The following C17orf99 variants were observed in gnomAD, a reference collection of about 807,000 sequenced individuals.
C17orf99 encodes protein IL-40.
A neutral mutation model predicts 22.6 loss-of-function variants in C17orf99; 18 were observed. That is an observed-to-expected ratio of 0.80 (90% CI 0.55 to 1.18). The LOEUF (loss-of-function observed/expected upper bound fraction) is 1.18. C17orf99 is among the 50% of genes most tolerant of loss of function. C17orf99 has a pLI of 0.00. For synonymous variants in C17orf99, 147 were observed against 136.6 expected (o/e 1.08, Z -0.53); for missense variants, 328 against 342.7 (o/e 0.96, Z 0.34).
intron 2 of C17orf99, chr17:78,157,564 C>T (rs571315584): frequency 2.5e-4 from 180 of 714,834 alleles, no homozygotes; most frequent in African/African-American, 1.9e-3. Context: ...TTTGGAAGAC[C>T]GAGGCAGGCG....
chr17:78,161,105 T>C lies in C17orf99; in HGVS notation c.221T>C (p.Val74Ala), dbSNP rs1567821777. 4.5e-6 allele frequency: 7 copies of C among 1,551,622 alleles called. No homozygotes were observed. Among genetic ancestry groups the C allele is most frequent in the East Asian group, 4.9e-5 (2 of 40,916 alleles). The change falls in exon 3 of 5, where the codon GTG (valine) becomes GCG (alanine). Residue 74 changes from valine (V) to alanine (A), a missense_variant. Val to Ala is a moderately conservative substitution (Grantham distance 64, BLOSUM62 0). Transcript: ENST00000340363. ...GTKNIKVAKK[V>A]VKTHEPASFN... ...AAGAACATCAAGGTGGCCAAGAAGGTGGTGAAGACCCACGAGCCGGCCTCC... is the reference window on the plus strand; with the variant it reads ...AAGAACATCAAGGTGGCCAAGAAGGCGGTGAAGACCCACGAGCCGGCCTCC...
chr17:78,163,255 T>G (rs1313532813), intron 3 of C17orf99, among the ~76,000 whole-genome samples: 1 of 151,872 alleles, frequency 6.6e-6, no homozygotes, highest in Non-Finnish European at 1.5e-5. Context: ...GTCTCTAAAA[T>G]AATAATAGGT....
chr17:78,166,090 C>T lies in C17orf99; in HGVS notation c.*44C>T, dbSNP rs2075615559. 2 of 637,970 alleles carry T rather than the reference C, an allele frequency of 3.1e-6. No homozygotes were observed. The highest frequency in any genetic ancestry group is 4.6e-6 in the Non-Finnish European group (2 of 434,406). The allele number at this position is 637,970 out of a possible 1,614,324, so 39.5% of individuals were successfully genotyped here. Reference sequence around the variant, plus strand: ...CCAAGCACGGCAGAGGACTGCAGGCCATCAGCGTGCACTGTTCGTATTTGG... The same window carrying T: ...CCAAGCACGGCAGAGGACTGCAGGCTATCAGCGTGCACTGTTCGTATTTGG... On this transcript the variant is annotated 3_prime_UTR_variant, in exon 5 of 5. Coordinates refer to ENST00000340363, the MANE Select transcript of C17orf99 (RefSeq NM_001163075.2).
At position 78,165,965 on chromosome 17, in the gene C17orf99, C is replaced by T; in HGVS notation, c.717C>T (p.Thr239=). The T allele has an allele frequency of 1.3e-6, 2 of 1,503,166 alleles. No individual in the cohort carries two copies. Among genetic ancestry groups the T allele is most frequent in the Non-Finnish European group, 1.8e-6 (2 of 1,116,828 alleles). The allele number at this position is 1,503,166 out of a possible 1,614,324, so 93.1% of individuals were successfully genotyped here. A position where few individuals can be genotyped will look rare whatever the true frequency, so the allele number is the denominator to read the frequency against. ...PILALPLYRS[T]RRLSEEEFGG... The stretch of plus-strand genomic sequence containing the variant: ...TTGCCTTGCCGCTCTACAGGAGCAC[C>T]CGCCGTCTGAGTGAAGAGGAGTTTG... Residue 239 remains threonine (T), a synonymous_variant, in exon 5 of 5, where the codon ACC becomes ACT. Coordinates refer to ENST00000340363, the MANE Select transcript of C17orf99 (RefSeq NM_001163075.2).
At chr17:78,158,383 C>A (rs1333585360) in intron 2 of C17orf99, among the ~76,000 whole-genome samples, 9 of 152,178 alleles carry the variant, frequency 5.9e-5, no homozygotes, top group Admixed American at 5.9e-4. Context: ...CAAGCTCCAC[C>A]TCCCGGGCTC....
At chr17:78,158,174 G>C in intron 2 of C17orf99, 1 of 747,800 alleles carries the variant, frequency 1.3e-6, no homozygotes, top group Non-Finnish European at 2.3e-6. Context: ...CATGACCGAG[G>C]AGGCAGCTGC....
In C17orf99 at chr17:78,154,409, G is replaced by A. The variant is rs180835112; in HGVS notation, c.71-6546G>A. Reference sequence around the variant, plus strand: ...ACCAAAAATACAAAATTAGACAGGCGTGGTGGCATGTGTCTGTAATCCCAG... The same window carrying A: ...ACCAAAAATACAAAATTAGACAGGCATGGTGGCATGTGTCTGTAATCCCAG... On this transcript the variant is annotated intron_variant, in intron 2 of 4. Transcript: ENST00000340363. Among the ~76,000 whole-genome samples the A allele has an allele frequency of 1.4e-3, 211 of 152,014 alleles. 1 individual carries two copies. The highest frequency in any genetic ancestry group is 0.014 in the Admixed American group (206 of 15,258).
intron 4 of C17orf99, chr17:78,164,726 G>A (rs763160558): frequency 1.1e-5 from 15 of 1,331,872 alleles, no homozygotes; most frequent in African/African-American, 8.9e-5. Context: ...AGGTCCAACC[G>A]GGCCCTGGCT....
Position 78,164,329 on chromosome 17 carries a change from A to G in C17orf99, c.605A>G (p.Asn202Ser), listed in dbSNP as rs775816666. Residue 202 changes from asparagine (N) to serine (S), a missense_variant, in exon 4 of 5, where the codon AAT becomes AGT. Asn to Ser is a conservative substitution (Grantham distance 46). Coordinates refer to ENST00000340363, the MANE Select transcript of C17orf99 (RefSeq NM_001163075.2). ...WFWCQAANNANVQHSALTVVP... is the reference protein window; with the variant it reads ...WFWCQAANNASVQHSALTVVP... Reference sequence around the variant, plus strand: ...TGGTGCCAGGCTGCAAACAACGCCAATGTCCAGCACAGCGCCCTCACAGTG... The same window carrying G: ...TGGTGCCAGGCTGCAAACAACGCCAGTGTCCAGCACAGCGCCCTCACAGTG... 3.2e-6 allele frequency: 5 copies of G among 1,551,580 alleles called. No individual in the cohort carries two copies. Among genetic ancestry groups the G allele is most frequent in the East Asian group, 2.4e-5 (1 of 40,934 alleles).
At chr17:78,149,486 G>C (rs1322877783) in intron 2 of C17orf99, among the ~76,000 whole-genome samples, 1 of 152,080 alleles carries the variant, frequency 6.6e-6, no homozygotes, top group Non-Finnish European at 1.5e-5. Context: ...GGACCTGAGG[G>C]ATCAGGATAT....
In C17orf99 at chr17:78,160,656, C is replaced by T. The variant is rs1447065663; in HGVS notation, c.71-299C>T. ...CAGTGGTGTGATCTCGGCTCACTGC[C>T]ACCTGCCACCTCCGCCTTCCTGGTT... On this transcript the variant is annotated intron_variant, in intron 2 of 4. Coordinates refer to ENST00000340363, the MANE Select transcript of C17orf99 (RefSeq NM_001163075.2). 3 of 411,634 alleles carry T rather than the reference C, an allele frequency of 7.3e-6. No individual in the cohort carries two copies. In the Admixed American group the frequency reaches 1.2e-4, roughly 16 times the overall value. The allele number at this position is 411,634 out of a possible 1,614,324, so 25.5% of individuals were successfully genotyped here. A position where few individuals can be genotyped will look rare whatever the true frequency, so the allele number is the denominator to read the frequency against.
Position 78,164,250 on chromosome 17 carries a change from C to T in C17orf99, c.526C>T (p.His176Tyr), listed in dbSNP as rs1200460875. The change falls in exon 4 of 5, where the codon CAC becomes TAC. Residue 176 changes from histidine to tyrosine, a missense_variant. By Grantham distance (83) the His-to-Tyr change is moderately conservative (BLOSUM62 2). Coordinates refer to ENST00000340363, the MANE Select transcript of C17orf99 (RefSeq NM_001163075.2). Reference sequence around the variant, plus strand: ...GGTCCACCTGCAGCAGAGACCATGCCACAGGCAGCCTGCCAACTTCTCCTT... The same window carrying T: ...GGTCCACCTGCAGCAGAGACCATGCTACAGGCAGCCTGCCAACTTCTCCTT... Reference protein sequence around the residue: ...GQVHLQQRPCHRQPANFSFLP... With the variant: ...GQVHLQQRPCYRQPANFSFLP... 5 of 1,551,410 alleles carry T rather than the reference C, an allele frequency of 3.2e-6. No homozygotes were observed. Among genetic ancestry groups the T allele is most frequent in the South Asian group, 1.2e-5 (1 of 84,072 alleles).
chr17:78,145,944 C>CCT (rs1567814766), upstream of C17orf99, among the ~76,000 whole-genome samples: 6 of 151,996 alleles, frequency 3.9e-5, no homozygotes, highest in Non-Finnish European at 5.9e-5. Context: ...TACAGGCGCA[C>CCT]GCCACCACGC....
rs755057023 is a variant in C17orf99, at chr17:78,166,073, G to T, written c.*27G>T. The T allele has an allele frequency of 6.4e-6, 6 of 934,074 alleles. No individual in the cohort carries two copies. The highest frequency in any genetic ancestry group is 7.4e-6 in the Non-Finnish European group (5 of 678,172). 57.9% of individuals were successfully genotyped at this position (934,074 alleles called of 1,614,324 possible). Reference sequence around the variant, plus strand: ...ATGAACCGTCCAGAGAGCCAAGCACGGCAGAGGACTGCAGGCCATCAGCGT... The same window carrying T: ...ATGAACCGTCCAGAGAGCCAAGCACTGCAGAGGACTGCAGGCCATCAGCGT... On this transcript the variant is annotated 3_prime_UTR_variant, in exon 5 of 5. Transcript: ENST00000340363.
At position 78,149,286 on chromosome 17, in the gene C17orf99, C is replaced by T. The variant is rs1013157140; in HGVS notation, c.70+2375C>T. ...GGCGGAGGTTGCAGTGAACCAAGAT[C>T]GCACCACTGCACTCCAGCCTGGGCA... On this transcript the variant is annotated intron_variant, in intron 2 of 4. Coordinates refer to ENST00000340363, the MANE Select transcript of C17orf99 (RefSeq NM_001163075.2). Among the ~76,000 whole-genome samples, 14 of 139,158 alleles carry T rather than the reference C, an allele frequency of 1.0e-4. No individual in the cohort carries two copies. The East Asian group carries it at 1.1e-3, about 11-fold the overall frequency. 91.3% of individuals were successfully genotyped at this position (139,158 alleles called of 152,430 possible).
upstream of C17orf99, among the ~76,000 whole-genome samples, chr17:78,146,181 A>G (rs548857798): frequency 2.1e-4 from 32 of 152,284 alleles, no homozygotes; most frequent in African/African-American, 6.5e-4. The surrounding 1 kb of genome is among the most constrained non-coding windows in gnomAD (Gnocchi z 5.2). Context: ...TTCAAGGTCC[A>G]AACTCCTTCC....
intron 2 of C17orf99, among the ~76,000 whole-genome samples, chr17:78,155,626 T>G (rs2075519487): frequency 6.6e-6 from 1 of 151,984 alleles, no homozygotes; most frequent in Non-Finnish European, 1.5e-5. Flanking sequence ...TGATACACAC[T>G]ATTCTTTTTC....
In C17orf99 at chr17:78,166,271, G is replaced by T. The variant is rs1165022328; in HGVS notation, c.*225G>T. ...ATCTATATGAATCCCATCATATCAG[G>T]TTGTCTACCTTAAATATACACAAAA... On this transcript the variant is annotated 3_prime_UTR_variant, in exon 5 of 5. Transcript: ENST00000340363. 2.8e-6 allele frequency: 1 copy of T among 354,566 alleles called. No homozygotes were observed. The highest frequency in any genetic ancestry group is 1.5e-4 in the South Asian group (1 of 6,666). The allele number at this position is 354,566 out of a possible 1,614,324, so 22.0% of individuals were successfully genotyped here.
chr17:78,149,761 G>A (rs1287478936), intron 2 of C17orf99, among the ~76,000 whole-genome samples: 2 of 151,020 alleles, frequency 1.3e-5, no homozygotes, highest in Non-Finnish European at 2.9e-5. Flanking sequence ...CCAGGCTGGA[G>A]TGCAGTGGTG....
Sources: gnomAD v4.1 joint callset for allele counts (sites outside exome capture counted in the v4.1 genomes callset) on GRCh38, gnomAD v4.1.1 for gene constraint, Gnocchi (gnomAD v3.1) non-coding constraint, MANE v1.5 for transcripts, NCBI Gene and HGNC (gene_info 2026-07-23, HGNC 2026-07-21) for gene names.